Variants in ADAMTS3 observed in about 807,000 individuals in gnomAD.
The protein encoded by ADAMTS3 is ADAM metallopeptidase with thrombospondin type 1 motif 3.
A neutral mutation model predicts 129.0 loss-of-function variants in ADAMTS3; 73 were observed. The ratio of observed to expected loss-of-function variants is 0.57; its 90% CI spans 0.47 to 0.69. ADAMTS3 has a LOEUF of 0.69. Ranked by LOEUF, ADAMTS3 falls within the 30% of genes least tolerant of loss-of-function variation. The probability of loss-of-function intolerance (pLI) is 0.00; values close to 1 mark genes in which losing one functional copy is unlikely to be tolerated. For synonymous variants in ADAMTS3, 477 were observed against 510.8 expected (o/e 0.93, Z 0.89); for missense variants, 1,457 against 1,514.5 (o/e 0.96, Z 0.63).
At chr4:72,492,482 A>G (rs1419054987) in intron 3 of ADAMTS3, among the ~76,000 whole-genome samples, 2 of 151,110 alleles carry the variant, frequency 1.3e-5, no homozygotes, top group African/African-American at 4.9e-5. Context: ...TTTAATTTTC[A>G]GTGTAGAGCT....
At chr4:72,306,830 C>T (rs1443225661) in intron 15 of ADAMTS3, among the ~76,000 whole-genome samples, 2 of 151,882 alleles carry the variant, frequency 1.3e-5, no homozygotes, top group African/African-American at 4.8e-5. Flanking sequence ...AATCATATAT[C>T]ATTCCTATTA....
Position 72,568,819 on chromosome 4 carries a change from A to ACCCC in ADAMTS3, c.-61_-58dup, listed in dbSNP as rs368868980. The ACCCC allele has an allele frequency of 7.9e-5, 39 of 495,206 alleles. No homozygotes were observed. Among genetic ancestry groups the ACCCC allele is most frequent in the Middle Eastern group, 5.7e-4 (1 of 1,758 alleles). The allele number at this position is 495,206 out of a possible 1,614,324, so 30.7% of individuals were successfully genotyped here. On this transcript the variant is annotated 5_prime_UTR_variant, in exon 1 of 22. Coordinates refer to ENST00000286657, the MANE Select transcript of ADAMTS3 (RefSeq NM_014243.3). ...CAAAGCAAATGCCCAGAGCAAACCCACCCCCCCCGCCCAAAATAAGTTTCT... is the reference window on the plus strand; with the variant it reads ...CAAAGCAAATGCCCAGAGCAAACCCACCCCCCCCCCCCGCCCAAAATAAGTTTCT...
rs564612813 is a variant in ADAMTS3, at chr4:72,522,631, G to A, written c.504+25847C>T. Among the ~76,000 whole-genome samples, 15 of 152,196 alleles carry A rather than the reference G, an allele frequency of 9.9e-5. No homozygotes were observed. In the South Asian group the frequency reaches 2.1e-3, roughly 21 times the overall value. ...TGACTAACTTTAGATTAAACACAGCGTGACTATGCTTACCATCAAGTGGAA... is the reference window on the plus strand; with the variant it reads ...TGACTAACTTTAGATTAAACACAGCATGACTATGCTTACCATCAAGTGGAA... On this transcript the variant is annotated intron_variant, in intron 3 of 21. Coordinates refer to ENST00000286657, the MANE Select transcript of ADAMTS3 (RefSeq NM_014243.3).
At chr4:72,546,705 T>C (rs999036401) in intron 3 of ADAMTS3, among the ~76,000 whole-genome samples, 16 of 152,164 alleles carry the variant, frequency 1.1e-4, no homozygotes, top group Admixed American at 2.6e-4. Flanking sequence ...AACCTTTATT[T>C]TGGCAAATTG....
intron 4 of ADAMTS3, among the ~76,000 whole-genome samples, chr4:72,392,914 G>A (rs1039546713): frequency 3.5e-5 from 2 of 56,888 alleles, no homozygotes; most frequent in African/African-American, 9.8e-5. Flanking sequence ...CTACCCATCG[G>A]ATTTTTTTTT....
At chr4:72,500,924 G>A (rs1274030148) in intron 3 of ADAMTS3, among the ~76,000 whole-genome samples, 1 of 152,016 alleles carries the variant, frequency 6.6e-6, no homozygotes, top group African/African-American at 2.4e-5. Context: ...GATGGCTGTA[G>A]GCATGTGGCT....
intron 4 of ADAMTS3, among the ~76,000 whole-genome samples, chr4:72,407,640 T>C (rs771453642): frequency 9.9e-5 from 15 of 152,082 alleles, no homozygotes; most frequent in Non-Finnish European, 8.8e-5. Flanking sequence ...TGCTTAGAAC[T>C]AAAGACAGTC....
chr4:72,401,696 T>C (rs1399700905), intron 4 of ADAMTS3, among the ~76,000 whole-genome samples: 3 of 149,912 alleles, frequency 2.0e-5, no homozygotes, highest in Admixed American at 1.3e-4. Flanking sequence ...TATAAAACCA[T>C]CACAAAGGAA....
At position 72,436,704 on chromosome 4, in the gene ADAMTS3, T is replaced by C. The variant is rs562028280; in HGVS notation, c.505-21733A>G. ...AAAAAGGATGAGTTCATGTCCTTTATAGGGACATGGATAAAGCTAGGAACC... is the reference window on the plus strand; with the variant it reads ...AAAAAGGATGAGTTCATGTCCTTTACAGGGACATGGATAAAGCTAGGAACC... On this transcript the variant is annotated intron_variant, in intron 3 of 21. Transcript: ENST00000286657. Among the ~76,000 whole-genome samples, 4 of 152,110 alleles carry C rather than the reference T, an allele frequency of 2.6e-5. No individual in the cohort carries two copies. In the East Asian group the frequency reaches 7.8e-4, roughly 30 times the overall value.
chr4:72,530,959 G>T lies in ADAMTS3; in HGVS notation c.504+17519C>A, dbSNP rs1019411128. 6.7e-5 allele frequency among the ~76,000 whole-genome samples: 10 copies of T among 148,570 alleles called. No homozygotes were observed. The East Asian group carries it at 2.0e-3, about 29-fold the overall frequency. On this transcript the variant is annotated intron_variant, in intron 3 of 21. Coordinates refer to ENST00000286657, the MANE Select transcript of ADAMTS3 (RefSeq NM_014243.3). ...CAAACACTGAAATGGAGTCTTAAAA[G>T]TCATAGTAAAATGTTTGGAATTTAA...
intron 3 of ADAMTS3, among the ~76,000 whole-genome samples, chr4:72,436,693 C>A (rs1425011645): frequency 6.6e-6 from 1 of 152,052 alleles, no homozygotes; most frequent in Admixed American, 6.6e-5. Context: ...AGGATGAGTT[C>A]ATGTCCTTTA....
At position 72,464,613 on chromosome 4, in the gene ADAMTS3, GA is replaced by G. The variant is rs1718869503; in HGVS notation, c.505-49643del. Reference sequence around the variant, plus strand: ...AATTCTGGGAAAAGTGTGGGGCTATGAAAGAGAACATGGCACTTACCATCCT... The same window carrying G: ...AATTCTGGGAAAAGTGTGGGGCTATGAAGAGAACATGGCACTTACCATCCT... On this transcript the variant is annotated intron_variant, in intron 3 of 21. Transcript: ENST00000286657. 2.0e-5 allele frequency among the ~76,000 whole-genome samples: 3 copies of G among 152,126 alleles called. No homozygotes were observed. The South Asian group carries it at 6.2e-4, about 32-fold the overall frequency.
chr4:72,495,978 A>G (rs1719864348), intron 3 of ADAMTS3, among the ~76,000 whole-genome samples: 1 of 152,184 alleles, frequency 6.6e-6, no homozygotes, highest in Non-Finnish European at 1.5e-5. Context: ...TGTACCTACT[A>G]TGTGCCAGTC....
At chr4:72,419,114 C>T (rs1215189686) in intron 3 of ADAMTS3, among the ~76,000 whole-genome samples, 3 of 152,010 alleles carry the variant, frequency 2.0e-5, no homozygotes, top group East Asian at 1.9e-4. Flanking sequence ...AATGAGGTGC[C>T]CCCGTCTAAA....
chr4:72,496,281 T>C (rs1360600799), intron 3 of ADAMTS3, among the ~76,000 whole-genome samples: 1 of 152,188 alleles, frequency 6.6e-6, no homozygotes, highest in East Asian at 1.9e-4. Flanking sequence ...AAATTAAGTG[T>C]TCCTACTTTG....
intron 3 of ADAMTS3, among the ~76,000 whole-genome samples, chr4:72,426,386 G>A (rs999753533): frequency 1.3e-5 from 2 of 152,076 alleles, no homozygotes; most frequent in African/African-American, 4.8e-5. Context: ...TGTTTTTGGT[G>A]TTTCAGACAT....
In ADAMTS3 at chr4:72,568,903, T is replaced by C; in HGVS notation, c.-141A>G. The C allele has an allele frequency of 1.5e-6, 1 of 670,810 alleles. No individual in the cohort carries two copies. Among genetic ancestry groups the C allele is most frequent in the Non-Finnish European group, 2.6e-6 (1 of 386,998 alleles). 41.6% of individuals were successfully genotyped at this position (670,810 alleles called of 1,614,324 possible). A position where few individuals can be genotyped will look rare whatever the true frequency, so the allele number is the denominator to read the frequency against. ...ATAGAAAAAAATGATCTTCTGTGCTTTGCTTCAATGAAAATGAAATTTGAG... is the reference window on the plus strand; with the variant it reads ...ATAGAAAAAAATGATCTTCTGTGCTCTGCTTCAATGAAAATGAAATTTGAG... On this transcript the variant is annotated 5_prime_UTR_variant, in exon 1 of 22. Coordinates refer to ENST00000286657, the MANE Select transcript of ADAMTS3 (RefSeq NM_014243.3).
intron 4 of ADAMTS3, among the ~76,000 whole-genome samples, chr4:72,413,923 T>A (rs941457171): frequency 1.0e-5 from 1 of 95,956 alleles, no homozygotes; most frequent in African/African-American, 3.2e-5. Context: ...TGCACTATTC[T>A]GTTCATAAAT....
intron 13 of ADAMTS3, among the ~76,000 whole-genome samples, 195 bp from the exon 14 acceptor site, chr4:72,311,376 T>G (rs1309590492): frequency 2.0e-5 from 3 of 151,672 alleles, no homozygotes; most frequent in Non-Finnish European, 4.4e-5. Context: ...AAGGTGACCA[T>G]AAAATTTGTC....
Sources: gnomAD v4.1 joint callset for allele counts (sites outside exome capture counted in the v4.1 genomes callset) on GRCh38, gnomAD v4.1.1 for gene constraint, MANE v1.5 for transcripts, NCBI Gene and HGNC (gene_info 2026-07-23, HGNC 2026-07-21) for gene names.